Variants in DOCK1 observed in about 807,000 individuals in gnomAD.
DOCK1 encodes dedicator of cytokinesis 1.
In DOCK1, 138 loss-of-function variants were observed where a neutral mutation model predicts 262.7. The observed-to-expected ratio is 0.53, with a 90% CI of 0.46 to 0.61. The LOEUF (loss-of-function observed/expected upper bound fraction) is 0.61. Ranked by LOEUF, DOCK1 falls within the 20% of genes least tolerant of loss-of-function variation. DOCK1 has a pLI of 0.00. For missense variants in DOCK1, 1,908 were observed against 2,370.7 expected, an observed-to-expected ratio of 0.80 and a Z score of 4.05; for synonymous variants, 866 against 867.4, an observed-to-expected ratio of 1.00 and a Z score of 0.03.
intron 10 of DOCK1, among the ~76,000 whole-genome samples, chr10:127,004,003 C>T (rs1349085663): frequency 6.6e-6 from 1 of 151,718 alleles, no homozygotes; most frequent in Non-Finnish European, 1.5e-5. Flanking sequence ...ACCTCTAATC[C>T]CAGAACTTTA....
chr10:127,351,037 C>T (rs141675525), intron 31 of DOCK1, among the ~76,000 whole-genome samples: 1 of 152,268 alleles, frequency 6.6e-6, no homozygotes, highest in Non-Finnish European at 1.5e-5. Flanking sequence ...GATTCAGGCT[C>T]AGGCTGGCCT....
At chr10:127,024,823 A>G in intron 15 of DOCK1, 40 bp downstream of exon 15, 1 of 1,507,632 alleles carries the variant, frequency 6.6e-7, no homozygotes, top group Non-Finnish European at 9.0e-7. Flanking sequence ...GGCGCTGATT[A>G]TGAAATGCTC....
chr10:127,064,375 C>T (rs577960016), intron 23 of DOCK1, among the ~76,000 whole-genome samples: 25 of 152,292 alleles, frequency 1.6e-4, no homozygotes, highest in African/African-American at 4.1e-4. Context: ...CGGGGTTTTA[C>T]GCCTCATTGA....
At chr10:127,065,598 A>AATCATC (rs1434742551) in intron 23 of DOCK1, among the ~76,000 whole-genome samples, 1 of 151,874 alleles carries the variant, frequency 6.6e-6, no homozygotes, top group Non-Finnish European at 1.5e-5. Flanking sequence ...TTTTTTGAAG[A>AATCATC]ATCATCCTGT....
chr10:126,980,255 G>C (rs1181245388), intron 3 of DOCK1, among the ~76,000 whole-genome samples: 1 of 151,982 alleles, frequency 6.6e-6, no homozygotes, highest in South Asian at 2.1e-4. Context: ...GCGGTGGCAC[G>C]ATCATAGATC....
At chr10:126,920,660 A>T (rs1331714169) in intron 1 of DOCK1, among the ~76,000 whole-genome samples, 1 of 152,246 alleles carries the variant, frequency 6.6e-6, no homozygotes, top group Non-Finnish European at 1.5e-5. Flanking sequence ...TTTTCTGCAG[A>T]GATCTAGAAA....
chr10:127,421,247 G>A (rs1411764521), intron 46 of DOCK1, among the ~76,000 whole-genome samples: 1 of 152,078 alleles, frequency 6.6e-6, no homozygotes, highest in Admixed American at 6.5e-5. Context: ...CATCCCAGCA[G>A]GGCCTCTTCT....
chr10:127,132,979 T>A (rs1178298060), intron 27 of DOCK1, among the ~76,000 whole-genome samples: 2 of 152,226 alleles, frequency 1.3e-5, no homozygotes, highest in Non-Finnish European at 2.9e-5. Context: ...GATTCTCCAC[T>A]TAACTCTTGT....
chr10:127,196,997 A>T (rs1218679329), intron 27 of DOCK1, among the ~76,000 whole-genome samples: 1 of 152,074 alleles, frequency 6.6e-6, no homozygotes, highest in Non-Finnish European at 1.5e-5. Context: ...TTGGGAAGCC[A>T]GGCTTGAAGG....
intron 21 of DOCK1, among the ~76,000 whole-genome samples, chr10:127,051,274 A>G (rs530473695): frequency 9.9e-5 from 15 of 152,148 alleles, no homozygotes; most frequent in Admixed American, 9.2e-4. Flanking sequence ...GTTTTTGGGG[A>G]ATCTTATTAG....
intron 29 of DOCK1, among the ~76,000 whole-genome samples, chr10:127,270,470 C>A (rs902767185): frequency 9.2e-5 from 14 of 152,192 alleles, no homozygotes; most frequent in African/African-American, 3.4e-4. Context: ...CTGAATGAAT[C>A]ACAGCTGATG....
chr10:127,248,211 G>A, intron 28 of DOCK1, 102 bp downstream of exon 28: 1 of 1,046,798 alleles, frequency 9.6e-7, no homozygotes, highest in Non-Finnish European at 1.4e-6. Flanking sequence ...GATTTTGCAT[G>A]AGAACTTGTC....
intron 25 of DOCK1, among the ~76,000 whole-genome samples, chr10:127,115,044 C>T (rs1315000773): frequency 1.3e-5 from 2 of 152,158 alleles, no homozygotes; most frequent in African/African-American, 4.8e-5. Flanking sequence ...CATGAGCCAC[C>T]GCGCCCGGCC....
intron 38 of DOCK1, among the ~76,000 whole-genome samples, chr10:127,394,407 T>C (rs563212256): frequency 2.6e-5 from 4 of 151,912 alleles, no homozygotes; most frequent in African/African-American, 9.7e-5. Context: ...AAATAGGAGT[T>C]TGGAGCAAAT....
intron 29 of DOCK1, among the ~76,000 whole-genome samples, chr10:127,300,446 A>C (rs1321180064): frequency 3.9e-5 from 6 of 152,186 alleles, no homozygotes; most frequent in Non-Finnish European, 8.8e-5. Context: ...GGGACTGCAG[A>C]GGAGACAGCT....
chr10:127,132,746 T>A (rs2050400623), intron 27 of DOCK1, among the ~76,000 whole-genome samples: 3 of 152,218 alleles, frequency 2.0e-5, no homozygotes, highest in Admixed American at 1.3e-4. Context: ...TGATACGCGC[T>A]GCTGTTGCTT....
intron 27 of DOCK1, among the ~76,000 whole-genome samples, chr10:127,214,074 C>T (rs1332962173): frequency 6.6e-6 from 1 of 152,194 alleles, no homozygotes. Flanking sequence ...GTCTCAATCA[C>T]CTGACCTTGT....
chr10:127,215,830 C>A (rs552144372), intron 27 of DOCK1, among the ~76,000 whole-genome samples: 4 of 151,868 alleles, frequency 2.6e-5, no homozygotes, highest in Non-Finnish European at 4.4e-5. Flanking sequence ...CAACACCCCC[C>A]CTCACCCCCC....
chr10:127,042,739 G>A, intron 20 of DOCK1, 25 bp downstream of exon 20: 1 of 1,610,318 alleles, frequency 6.2e-7, no homozygotes, highest in Non-Finnish European at 8.5e-7. Flanking sequence ...CTTCTCATAT[G>A]CTTGGATAAC....
Sources: allele counts gnomAD v4.1 joint callset (sites outside exome capture counted in the v4.1 genomes callset), GRCh38; gene constraint gnomAD v4.1.1; transcripts MANE v1.5; gene names NCBI Gene and HGNC (gene_info 2026-07-23, HGNC 2026-07-21).